ZNF654: variants seen among roughly 807,000 people sequenced by gnomAD.
ZNF654 encodes zinc finger protein 654.
A neutral mutation model predicts 95.3 loss-of-function variants in ZNF654; 19 were observed. The ratio of observed to expected loss-of-function variants is 0.20; its 90% CI spans 0.14 to 0.29. The LOEUF (loss-of-function observed/expected upper bound fraction) is 0.29, where lower values mean the gene tolerates loss of function less well. Ranked by LOEUF, ZNF654 falls within the 10% of genes least tolerant of loss-of-function variation. ZNF654 has a pLI of 1.00. For missense variants in ZNF654, 1,046 were observed against 1,341.0 expected (o/e 0.78, Z 3.44); for synonymous variants, 413 against 457.9 (o/e 0.90, Z 1.25).
At chr3:88,112,907 T>C (rs1705181724) in intron 2 of ZNF654, among the ~76,000 whole-genome samples, 1 of 152,104 alleles carries the variant, frequency 6.6e-6, no homozygotes, top group African/African-American at 2.4e-5. Context: ...GTTCTAAAAC[T>C]TAAGTATATT....
chr3:88,134,959 T>C, intron 6 of ZNF654, 102 bp from the exon 7 acceptor site: 1 of 796,804 alleles, frequency 1.3e-6, no homozygotes, highest in Non-Finnish European at 1.8e-6. Flanking sequence ...TTTACACTCA[T>C]ATACATCCCA....
chr3:88,081,634 T>C (rs1301317139), intron 1 of ZNF654, among the ~76,000 whole-genome samples: 1 of 152,256 alleles, frequency 6.6e-6, no homozygotes, highest in Non-Finnish European at 1.5e-5. Flanking sequence ...GTTCAAGTTG[T>C]GCCAGCTTTA....
chr3:88,110,641 CT>C (rs748120022), intron 2 of ZNF654, among the ~76,000 whole-genome samples: 1 of 152,042 alleles, frequency 6.6e-6, no homozygotes, highest in Non-Finnish European at 1.5e-5. Flanking sequence ...CTACTTTATA[CT>C]ATTTTGGACT....
At chr3:88,098,577 C>T (rs1187661819) in intron 2 of ZNF654, among the ~76,000 whole-genome samples, 2 of 152,094 alleles carry the variant, frequency 1.3e-5, no homozygotes, top group Non-Finnish European at 2.9e-5. Context: ...ATGCAAAAAT[C>T]CTCAGTAAAA....
chr3:88,067,732 T>G lies in ZNF654; in HGVS notation c.186+8227T>G, dbSNP rs564565294. On this transcript the variant is annotated intron_variant, in intron 1 of 8. Coordinates refer to ENST00000636215, the MANE Select transcript of ZNF654 (RefSeq NM_001350134.2). ...TGGGTGACTCTAAACAGAGCTGTTT[T>G]GGTGTAGTGATGGGATCAGTAGTCA... 6.2e-4 allele frequency among the ~76,000 whole-genome samples: 95 copies of G among 152,296 alleles called. 1 individual carries two copies. The highest frequency in any genetic ancestry group is 2.2e-3 in the African/African-American group (92 of 41,568).
At chr3:88,125,035 G>C (rs1706008734) in intron 3 of ZNF654, among the ~76,000 whole-genome samples, 1 of 151,958 alleles carries the variant, frequency 6.6e-6, no homozygotes, top group Admixed American at 6.6e-5. Context: ...CTAACACGGT[G>C]AAACTCTGTC....
At chr3:88,076,314 C>T (rs184640736) in intron 1 of ZNF654, among the ~76,000 whole-genome samples, 1 of 152,284 alleles carries the variant, frequency 6.6e-6, no homozygotes, top group Admixed American at 6.5e-5. Context: ...TTCTGTCCCT[C>T]AGTTAGGTAC....
chr3:88,099,143 G>T (rs1233311509), intron 2 of ZNF654, among the ~76,000 whole-genome samples: 2 of 152,114 alleles, frequency 1.3e-5, no homozygotes, highest in Non-Finnish European at 2.9e-5. Context: ...AAAGTCTCAG[G>T]ATACAAAATC....
intron 2 of ZNF654, among the ~76,000 whole-genome samples, chr3:88,093,181 G>C (rs1703852418): frequency 6.6e-6 from 1 of 152,144 alleles, no homozygotes; most frequent in Admixed American, 6.6e-5. Context: ...AGTTAATTAA[G>C]TTCTTACTGG....
intron 3 of ZNF654, among the ~76,000 whole-genome samples, chr3:88,124,953 C>T (rs1444095788): frequency 1.3e-5 from 2 of 152,018 alleles, no homozygotes; most frequent in African/African-American, 4.8e-5. Flanking sequence ...CGGTGGCTCA[C>T]GCCTGTAATC....
chr3:88,098,726 A>G (rs898632522), intron 2 of ZNF654, among the ~76,000 whole-genome samples: 92 of 152,218 alleles, frequency 6.0e-4, no homozygotes, highest in Non-Finnish European at 2.1e-4. Flanking sequence ...ACCAAAGACA[A>G]AAACCACATG....
At chr3:88,100,173 C>G (rs1175159649) in intron 2 of ZNF654, among the ~76,000 whole-genome samples, 1 of 152,134 alleles carries the variant, frequency 6.6e-6, no homozygotes, top group Non-Finnish European at 1.5e-5. Flanking sequence ...CGGATATGAA[C>G]AGACACTTCT....
intron 3 of ZNF654, among the ~76,000 whole-genome samples, chr3:88,118,906 G>C (rs914679237): frequency 6.6e-6 from 1 of 150,896 alleles, no homozygotes; most frequent in African/African-American, 2.4e-5. Flanking sequence ...AGAGGATGTG[G>C]AGAAATAGGA....
chr3:88,136,062 TATC>T (rs1181953818), intron 7 of ZNF654, among the ~76,000 whole-genome samples: 1 of 152,178 alleles, frequency 6.6e-6, no homozygotes, highest in African/African-American at 2.4e-5. Context: ...AATAGTGAAA[TATC>T]ATTCAAATGC....
At chr3:88,115,282 C>A (rs879423581) in intron 3 of ZNF654, among the ~76,000 whole-genome samples, 1 of 152,160 alleles carries the variant, frequency 6.6e-6, no homozygotes, top group Non-Finnish European at 1.5e-5. Context: ...ACTTCTCTTT[C>A]CCCCCGCTGT....
chr3:88,108,865 C>T (rs1704906463), intron 2 of ZNF654, among the ~76,000 whole-genome samples: 1 of 152,006 alleles, frequency 6.6e-6, no homozygotes, highest in Admixed American at 6.6e-5. Context: ...TTGCTAAAAT[C>T]TCACAGTGAG....
At chr3:88,080,846 C>G (rs761104360) in intron 1 of ZNF654, among the ~76,000 whole-genome samples, 1 of 152,104 alleles carries the variant, frequency 6.6e-6, no homozygotes, top group South Asian at 2.1e-4. Flanking sequence ...TAAAACTGAA[C>G]TAATTTTAGA....
intron 3 of ZNF654, among the ~76,000 whole-genome samples, chr3:88,121,958 G>T (rs1296636109): frequency 6.6e-6 from 1 of 152,098 alleles, no homozygotes; most frequent in Non-Finnish European, 1.5e-5. Context: ...TATTGAGAAT[G>T]TATCTTCTCT....
At chr3:88,113,720 C>T (rs1705227911) in intron 3 of ZNF654, among the ~76,000 whole-genome samples, 1 of 152,106 alleles carries the variant, frequency 6.6e-6, no homozygotes, top group Admixed American at 6.6e-5. Context: ...TGGGAAGCAA[C>T]CCTGACCCAC....
Sources: allele counts gnomAD v4.1 joint callset (sites outside exome capture counted in the v4.1 genomes callset), GRCh38; gene constraint gnomAD v4.1.1; transcripts MANE v1.5; gene names NCBI Gene and HGNC (gene_info 2026-07-23, HGNC 2026-07-21).